The following RAI14 variants were observed in gnomAD, a reference collection of about 807,000 sequenced individuals.
RAI14 encodes ankycorbin.
Under a neutral mutation model 115.4 loss-of-function variants are expected in RAI14, and 45 were observed. That is an observed-to-expected ratio of 0.39 (90% confidence interval 0.31 to 0.50). RAI14 has a LOEUF of 0.50. RAI14 is among the 20% of genes least tolerant of loss of function. The pLI is 0.85. For synonymous variants in RAI14, 371 were observed against 415.4 expected, an observed-to-expected ratio of 0.89 and a Z score of 1.30; for missense variants, 939 against 1,131.2, an observed-to-expected ratio of 0.83 and a Z score of 2.44.
At chr5:34,671,323 G>A (rs939373778) in intron 1 of RAI14, among the ~76,000 whole-genome samples, 13 of 152,298 alleles carry the variant, frequency 8.5e-5, no homozygotes, top group Non-Finnish European at 1.5e-4. Flanking sequence ...CAGCCTTTGA[G>A]TGAAATAAAA....
At chr5:34,699,118 T>C (rs1294312108) in intron 2 of RAI14, among the ~76,000 whole-genome samples, 2 of 152,154 alleles carry the variant, frequency 1.3e-5, no homozygotes, top group African/African-American at 4.8e-5. Flanking sequence ...GTGAGATCTC[T>C]TTGATTAAAC....
At position 34,764,537 on chromosome 5, in the gene RAI14, TTCTCTC is replaced by T. The variant is rs146616019; in HGVS notation, c.167+6968_167+6973del. Among the ~76,000 whole-genome samples the T allele has an allele frequency of 1.1e-3, 79 of 71,734 alleles. 1 individual carries two copies. Among genetic ancestry groups the T allele is most frequent in the South Asian group, 1.7e-3 (4 of 2,368 alleles). 47.1% of individuals were successfully genotyped at this position (71,734 alleles called of 152,430 possible). On this transcript the variant is annotated intron_variant, in intron 3 of 17. Coordinates refer to ENST00000265109, the MANE Select transcript of RAI14 (RefSeq NM_015577.3). Reference sequence around the variant, plus strand: ...AAGGCCCAGGAAGCACAGGTGAATTTTCTCTCTCTCTCTCTCTCTCTCTCTCTCTCT... The same window carrying T: ...AAGGCCCAGGAAGCACAGGTGAATTTTCTCTCTCTCTCTCTCTCTCTCTCT...
rs71600953 is a variant in RAI14, at chr5:34,752,703, ATGTGTGTGTGTGTGTGTG to A, written c.37-4735_37-4718del. Reference sequence around the variant, plus strand: ...AGAAATATCTATATTTCTTACATATATGTGTGTGTGTGTGTGTGTGTGTGTGTGTGTGTGTGTGTGTGT... The same window carrying A: ...AGAAATATCTATATTTCTTACATATATGTGTGTGTGTGTGTGTGTGTGTGT... On this transcript the variant is annotated intron_variant, in intron 2 of 17. Transcript: ENST00000265109. Among the ~76,000 whole-genome samples the A allele has an allele frequency of 5.6e-3, 466 of 83,030 alleles. 6 individuals carry two copies. The highest frequency in any genetic ancestry group is 0.023 in the African/African-American group (402 of 17,498). 54.5% of individuals were successfully genotyped at this position (83,030 alleles called of 152,430 possible). A position where few individuals can be genotyped will look rare whatever the true frequency, so the allele number is the denominator to read the frequency against.
chr5:34,742,644 GTTTTTTGTT>G (rs566463302), intron 2 of RAI14, among the ~76,000 whole-genome samples: 200 of 152,100 alleles, frequency 1.3e-3, no homozygotes, highest in African/African-American at 4.5e-3. Context: ...GCAGTTTGCT[GTTTTTTGTT>G]TTTTTTGTTT....
At chr5:34,657,529 C>T (rs1320007334) in intron 1 of RAI14, among the ~76,000 whole-genome samples, 1 of 152,230 alleles carries the variant, frequency 6.6e-6, no homozygotes, top group Non-Finnish European at 1.5e-5. Flanking sequence ...CCCAACTTTA[C>T]TCCCAGAAAT....
chr5:34,720,400 GAT>G (rs1491146675), intron 2 of RAI14, among the ~76,000 whole-genome samples: 5 of 129,272 alleles, frequency 3.9e-5, no homozygotes, highest in Admixed American at 2.5e-4. Flanking sequence ...CCCTGTCTCA[GAT>G]TTTTTTTTTT....
intron 1 of RAI14, among the ~76,000 whole-genome samples, chr5:34,660,611 G>C (rs569626291): frequency 6.6e-6 from 1 of 152,076 alleles, no homozygotes; most frequent in South Asian, 2.1e-4. Flanking sequence ...TAAGATTAAG[G>C]GGTAGGAGTA....
chr5:34,713,335 C>T (rs1027191756), intron 2 of RAI14, among the ~76,000 whole-genome samples: 1 of 152,060 alleles, frequency 6.6e-6, no homozygotes, highest in Non-Finnish European at 1.5e-5. Context: ...AGGAGAGACT[C>T]ACTAAAGGGA....
chr5:34,815,752 A>G (rs1756156958), intron 12 of RAI14, among the ~76,000 whole-genome samples: 1 of 152,192 alleles, frequency 6.6e-6, no homozygotes, highest in Non-Finnish European at 1.5e-5. Context: ...ACTATAGTTA[A>G]TAACAATGCA....
chr5:34,736,895 G>A (rs930354186), intron 2 of RAI14, among the ~76,000 whole-genome samples: 1 of 152,322 alleles, frequency 6.6e-6, no homozygotes, highest in Non-Finnish European at 1.5e-5. Context: ...GCCACAGACT[G>A]GTATTTGTCT....
At chr5:34,758,798 G>T (rs1253546126) in intron 3 of RAI14, among the ~76,000 whole-genome samples, 2 of 152,220 alleles carry the variant, frequency 1.3e-5, no homozygotes, top group East Asian at 3.8e-4. Context: ...CACTACAAAG[G>T]CAGAGTTGAG....
At chr5:34,718,093 TATC>T (rs1173103006) in intron 2 of RAI14, among the ~76,000 whole-genome samples, 11 of 152,218 alleles carry the variant, frequency 7.2e-5, no homozygotes, top group Admixed American at 7.2e-4. Context: ...AGGCACAGTA[TATC>T]ATCATTTCCT....
At chr5:34,824,698 C>A (rs1757260313) in intron 15 of RAI14, among the ~76,000 whole-genome samples, 1 of 152,104 alleles carries the variant, frequency 6.6e-6, no homozygotes, top group South Asian at 2.1e-4. Context: ...AATCCCAGCA[C>A]TTTGGGAGGC....
chr5:34,817,337 A>C (rs939838007), intron 12 of RAI14, among the ~76,000 whole-genome samples: 1 of 152,010 alleles, frequency 6.6e-6, no homozygotes, highest in African/African-American at 2.4e-5. Context: ...AAAGACTGAT[A>C]CTACCAAGTG....
At chr5:34,668,448 A>G (rs1743383453) in intron 1 of RAI14, among the ~76,000 whole-genome samples, 1 of 151,416 alleles carries the variant, frequency 6.6e-6, no homozygotes, top group African/African-American at 2.4e-5. Flanking sequence ...TTTATTTAAC[A>G]TGTTAGGAGG....
chr5:34,677,011 T>C (rs1744026862), intron 1 of RAI14, among the ~76,000 whole-genome samples: 4 of 152,236 alleles, frequency 2.6e-5, no homozygotes, highest in Admixed American at 2.6e-4. Context: ...TTTACTTGTT[T>C]ATTCATTCAT....
intron 2 of RAI14, among the ~76,000 whole-genome samples, chr5:34,717,349 G>A (rs1742123321): frequency 6.6e-6 from 1 of 152,178 alleles, no homozygotes; most frequent in Non-Finnish European, 1.5e-5. Flanking sequence ...TAGAAATCAT[G>A]GGTTTTGGTA....
chr5:34,788,049 T>C (rs754616922), intron 3 of RAI14, among the ~76,000 whole-genome samples: 2 of 151,662 alleles, frequency 1.3e-5, no homozygotes, highest in African/African-American at 2.4e-5. Context: ...CCCGAGTAGT[T>C]GGGACTACAA....
chr5:34,675,160 G>T (rs1421136418), intron 1 of RAI14, among the ~76,000 whole-genome samples: 1 of 152,230 alleles, frequency 6.6e-6, no homozygotes, highest in Non-Finnish European at 1.5e-5. Context: ...CTCCCAAAGT[G>T]CTGGGATTAT....
Sources: allele counts gnomAD v4.1 joint callset (sites outside exome capture counted in the v4.1 genomes callset), GRCh38; gene constraint gnomAD v4.1.1; transcripts MANE v1.5; gene names NCBI Gene and HGNC (gene_info 2026-07-23, HGNC 2026-07-21).